Variants in PLCL2 observed in about 807,000 individuals in gnomAD.
PLCL2 encodes the protein inactive phospholipase C-like protein 2.
A neutral mutation model predicts 79.6 loss-of-function variants in PLCL2; 4 were observed. The ratio of observed to expected loss-of-function variants is 0.05; its 90% CI spans 0.02 to 0.11. The LOEUF (loss-of-function observed/expected upper bound fraction) is 0.11, where lower values mean the gene tolerates loss of function less well. PLCL2 is among the 10% of genes least tolerant of loss of function. The probability of loss-of-function intolerance (pLI) is 1.00; values close to 1 mark genes in which losing one functional copy is unlikely to be tolerated. For synonymous variants in PLCL2, 484 were observed against 457.7 expected, an observed-to-expected ratio of 1.06 and a Z score of -0.73; for missense variants, 895 against 1,291.0, an observed-to-expected ratio of 0.69 and a Z score of 4.70.
chr3:16,980,784 C>A (rs1055030775), intron 1 of PLCL2, among the ~76,000 whole-genome samples: 1 of 152,200 alleles, frequency 6.6e-6, no homozygotes, highest in South Asian at 2.1e-4. Context: ...CCAAGGCAGG[C>A]TGCTGGGAGG....
intron 1 of PLCL2, among the ~76,000 whole-genome samples, chr3:16,891,296 A>G (rs1244314359): frequency 6.6e-6 from 1 of 152,228 alleles, no homozygotes; most frequent in Non-Finnish European, 1.5e-5. Flanking sequence ...ACCTCCTCTC[A>G]TAGCATTGTT....
intron 3 of PLCL2, among the ~76,000 whole-genome samples, chr3:17,024,684 A>G (rs2064495496): frequency 6.6e-6 from 1 of 152,188 alleles, no homozygotes; most frequent in African/African-American, 2.4e-5. Context: ...GTGAGTTCCA[A>G]ATCTTTTCAG....
chr3:16,885,047 A>G lies in PLCL2; in HGVS notation c.8A>G (p.Glu3Gly). MA[E>G]CGRGGAAGGA... Reference sequence around the variant, plus strand: ...GCGGGTCGCGGGGCGCCCATGGCGGAGTGCGGCCGGGGGGGCGCCGCCGGC... The same window carrying G: ...GCGGGTCGCGGGGCGCCCATGGCGGGGTGCGGCCGGGGGGGCGCCGCCGGC... The change falls in exon 1 of 6, where the codon GAG (glutamate) becomes GGG (glycine). Residue 3 changes from glutamate to glycine, a missense_variant. By Grantham distance (98) the Glu-to-Gly change is moderately conservative. This residue lies in a region of PLCL2 where 110 missense variants were observed against 42.9 expected (regional missense o/e 2.56). Transcript: ENST00000615277. 5.6e-6 allele frequency: 2 copies of G among 355,766 alleles called. No homozygotes were observed. Among genetic ancestry groups the G allele is most frequent in the Non-Finnish European group, 1.0e-5 (2 of 199,672 alleles). 22.0% of individuals were successfully genotyped at this position (355,766 alleles called of 1,614,324 possible). A position where few individuals can be genotyped will look rare whatever the true frequency, so the allele number is the denominator to read the frequency against.
intron 5 of PLCL2, among the ~76,000 whole-genome samples, chr3:17,079,999 C>G (rs1050298905): frequency 6.6e-6 from 1 of 152,206 alleles, no homozygotes; most frequent in Non-Finnish European, 1.5e-5. Context: ...CCTTTCCGCT[C>G]CTGCACAGAA....
intron 1 of PLCL2, among the ~76,000 whole-genome samples, chr3:16,963,973 G>A (rs1335653964): frequency 2.6e-5 from 4 of 152,054 alleles, no homozygotes; most frequent in Non-Finnish European, 4.4e-5. Context: ...TTGAAATAAA[G>A]AATGTAAAAG....
chr3:17,033,413 G>T (rs1168401763), intron 3 of PLCL2, among the ~76,000 whole-genome samples: 1 of 152,082 alleles, frequency 6.6e-6, no homozygotes, highest in Non-Finnish European at 1.5e-5. Flanking sequence ...TTCCATAGAA[G>T]AATTTTGTAA....
intron 1 of PLCL2, among the ~76,000 whole-genome samples, chr3:16,923,347 G>A (rs1319319427): frequency 6.6e-6 from 1 of 152,228 alleles, no homozygotes; most frequent in African/African-American, 2.4e-5. Flanking sequence ...GACGAGGGAG[G>A]TTGCAGCACA....
At chr3:17,036,143 C>T (rs2064651378) in intron 3 of PLCL2, among the ~76,000 whole-genome samples, 2 of 152,258 alleles carry the variant, frequency 1.3e-5, no homozygotes, top group Non-Finnish European at 1.5e-5. Context: ...ACCTCGGCCC[C>T]TGGATAGGCA....
intron 3 of PLCL2, among the ~76,000 whole-genome samples, chr3:17,022,532 A>G (rs923307977): frequency 2.6e-5 from 4 of 152,212 alleles, no homozygotes; most frequent in African/African-American, 9.6e-5. Flanking sequence ...AAAGGATTTT[A>G]TGTATCTTTA....
At chr3:17,018,170 G>A (rs1456166512) in intron 3 of PLCL2, among the ~76,000 whole-genome samples, 1 of 152,212 alleles carries the variant, frequency 6.6e-6, no homozygotes, top group African/African-American at 2.4e-5. Context: ...AGACATGAGT[G>A]TGGGATAGAA....
At chr3:16,999,247 A>G (rs1372855695) in intron 1 of PLCL2, among the ~76,000 whole-genome samples, 2 of 152,144 alleles carry the variant, frequency 1.3e-5, no homozygotes, top group Non-Finnish European at 2.9e-5. Context: ...GTTTCCTAGT[A>G]TATCTTGGGC....
chr3:17,061,087 G>A (rs756838987), intron 4 of PLCL2, among the ~76,000 whole-genome samples: 31 of 152,120 alleles, frequency 2.0e-4, no homozygotes, highest in Admixed American at 1.6e-3. Context: ...TTTTAGCCAT[G>A]TGCTACATGC....
At chr3:17,052,236 C>CAAAAA (rs35316797) in intron 4 of PLCL2, among the ~76,000 whole-genome samples, 31 of 97,250 alleles carry the variant, frequency 3.2e-4, no homozygotes, top group Admixed American at 6.6e-4. Context: ...GTGAATATGG[C>CAAAAA]AAAAAAAAAA....
intron 1 of PLCL2, among the ~76,000 whole-genome samples, chr3:16,942,028 A>C (rs1274789136): frequency 1.3e-5 from 2 of 152,222 alleles, no homozygotes; most frequent in Non-Finnish European, 2.9e-5. Context: ...TGTTAAATGG[A>C]ATCTGCTAAT....
chr3:17,024,971 TG>T (rs1217943717), intron 3 of PLCL2, among the ~76,000 whole-genome samples: 2 of 152,172 alleles, frequency 1.3e-5, no homozygotes, highest in African/African-American at 4.8e-5. Flanking sequence ...TTCATGAGTG[TG>T]GGCCCCGTTT....
intron 1 of PLCL2, among the ~76,000 whole-genome samples, chr3:16,926,780 C>T (rs187555537): frequency 2.0e-5 from 3 of 152,054 alleles, no homozygotes; most frequent in East Asian, 1.9e-4. Context: ...TACAGGCACC[C>T]GCCACCATGG....
intron 4 of PLCL2, among the ~76,000 whole-genome samples, chr3:17,060,710 C>T (rs2064943246): frequency 2.0e-5 from 3 of 152,084 alleles, no homozygotes; most frequent in Non-Finnish European, 4.4e-5. Context: ...CATGTACAGA[C>T]CATGTTATGT....
chr3:17,022,673 T>G (rs906868494), intron 3 of PLCL2, among the ~76,000 whole-genome samples: 4 of 152,196 alleles, frequency 2.6e-5, no homozygotes, highest in African/African-American at 9.7e-5. Context: ...TACTAGACTT[T>G]GAATAAATAA....
intron 1 of PLCL2, among the ~76,000 whole-genome samples, chr3:17,008,988 ATT>A (rs966994924): frequency 3.1e-4 from 45 of 143,922 alleles, no homozygotes; most frequent in African/African-American, 1.0e-3. Flanking sequence ...TGGCTAATTA[ATT>A]TTTTTTTTTT....
Sources: allele counts gnomAD v4.1 joint callset (sites outside exome capture counted in the v4.1 genomes callset), GRCh38; gene constraint gnomAD v4.1.1; regional missense constraint gnomAD v4.1.1; transcripts MANE v1.5; gene names NCBI Gene and HGNC (gene_info 2026-07-23, HGNC 2026-07-21).